The following FDPS variants were observed in gnomAD, a reference collection of about 807,000 sequenced individuals.
FDPS encodes the protein farnesyl diphosphate synthase, also known as farnesyl pyrophosphate synthase.
A neutral mutation model predicts 49.5 loss-of-function variants in FDPS; 29 were observed. The ratio of observed to expected loss-of-function variants is 0.59; its 90% confidence interval spans 0.44 to 0.80. FDPS has a LOEUF of 0.80. Among genes scored for constraint, FDPS ranks in the 30% least tolerant of loss-of-function variants. FDPS has a pLI of 0.00. For missense variants in FDPS, 414 were observed against 525.6 expected, an observed-to-expected ratio of 0.79 and a Z score of 2.08; for synonymous variants, 172 against 206.4, an observed-to-expected ratio of 0.83 and a Z score of 1.43.
chr1:155,318,994 C>T lies in FDPS; in HGVS notation c.846+66C>T, dbSNP rs1649859398. The stretch of plus-strand genomic sequence containing the variant: ...GGCTTTTGGACAGCAAGGCATAGAG[C>T]AGAAAACGTGAACACTGCTACCCCT... On this transcript the variant is annotated intron_variant, in intron 8 of 10. Coordinates refer to ENST00000368356, the MANE Select transcript of FDPS (RefSeq NM_002004.4). This position sits in a 1 kb window ranked among gnomAD's most constrained non-coding sequence, Gnocchi z 4.2. 3.3e-6 allele frequency: 4 copies of T among 1,219,408 alleles called. No homozygotes were observed. Among genetic ancestry groups the T allele is most frequent in the Middle Eastern group, 5.3e-4 (2 of 3,772 alleles). The allele number at this position is 1,219,408 out of a possible 1,614,324, so 75.5% of individuals were successfully genotyped here. A position where few individuals can be genotyped will look rare whatever the true frequency, so the allele number is the denominator to read the frequency against.
chr1:155,309,176 A>G (rs969115444), intron 1 of FDPS: 1 of 151,904 alleles, frequency 6.6e-6, no homozygotes, highest in Non-Finnish European at 1.5e-5. Context: ...ACCCCGGTTT[A>G]CTCCTTTGCT....
intron 3 of FDPS, among the ~76,000 whole-genome samples, chr1:155,311,639 C>T (rs1648808307): frequency 6.6e-6 from 1 of 152,136 alleles, no homozygotes; most frequent in Admixed American, 6.5e-5. Context: ...CCAGTCATCC[C>T]TATAGCATGT....
chr1:155,312,295 G>T lies in FDPS; in HGVS notation c.380G>T (p.Gly127Val). ...YNAIGGKYNRGLTVVVAFREL... is the reference protein window; with the variant it reads ...YNAIGGKYNRVLTVVVAFREL... Reference sequence around the variant, plus strand: ...GCCATTGGAGGCAAGTATAACCGGGGTTTGACGGTGGTAGTAGCATTCCGG... The same window carrying T: ...GCCATTGGAGGCAAGTATAACCGGGTTTTGACGGTGGTAGTAGCATTCCGG... Residue 127 changes from glycine (G) to valine (V), a missense_variant, in exon 4 of 11, where the codon GGT becomes GTT. Gly to Val is a moderately radical substitution (Grantham distance 109). Coordinates refer to ENST00000368356, the MANE Select transcript of FDPS (RefSeq NM_002004.4). The T allele has an allele frequency of 6.2e-7, 1 of 1,614,166 alleles. No individual in the cohort carries two copies. Among genetic ancestry groups the T allele is most frequent in the Non-Finnish European group, 8.5e-7 (1 of 1,180,014 alleles).
chr1:155,318,040 T>G lies in FDPS; in HGVS notation c.561+19T>G. 1 of 1,613,526 alleles carries G rather than the reference T, an allele frequency of 6.2e-7. No individual in the cohort carries two copies. The highest frequency in any genetic ancestry group is 8.5e-7 in the Non-Finnish European group (1 of 1,179,564). ...TCAGAAGGTAATGTGGGCAGGAAAA[T>G]AGCAGTGGGTATGGGGACAGGCCAC... On this transcript the variant is annotated intron_variant, in intron 5 of 10. Coordinates refer to ENST00000368356, the MANE Select transcript of FDPS (RefSeq NM_002004.4). The surrounding 1 kb of genome is among the most constrained non-coding windows in gnomAD (Gnocchi z 4.2).
chr1:155,314,182 T>A (rs1419715577), intron 4 of FDPS, among the ~76,000 whole-genome samples: 2 of 141,086 alleles, frequency 1.4e-5, no homozygotes, highest in East Asian at 6.0e-4. Context: ...TTTTTAAAAA[T>A]TTTTAATTTT....
intron 3 of FDPS, chr1:155,310,446 G>A: frequency 2.0e-6 from 1 of 490,998 alleles, no homozygotes; most frequent in Non-Finnish European, 3.6e-6. Context: ...GAGTAGCTGG[G>A]ATTACAGGTG....
chr1:155,320,655 CG>C lies in FDPS; in HGVS notation c.*47del, dbSNP rs758033234. 71 of 1,602,288 alleles carry C rather than the reference CG, an allele frequency of 4.4e-5. No homozygotes were observed. The highest frequency in any genetic ancestry group is 5.8e-5 in the Non-Finnish European group (68 of 1,169,792). The stretch of plus-strand genomic sequence containing the variant: ...GGAGAGGAGGCTCTCAATAAATAAT[CG>C]TGTAACCTTCTTGTGGTTCTGTTCT... On this transcript the variant is annotated 3_prime_UTR_variant, in exon 11 of 11. Transcript: ENST00000368356.
Position 155,318,845 on chromosome 1 carries a change from C to A in FDPS, c.774-11C>A, listed in dbSNP as rs1649825618. ...GCCCTCCTGAGGAGTTTCTCTTCTCCCCTTACTCAGGTACAAATCTATTGT... is the reference window on the plus strand; with the variant it reads ...GCCCTCCTGAGGAGTTTCTCTTCTCACCTTACTCAGGTACAAATCTATTGT... On this transcript the variant is annotated splice_polypyrimidine_tract_variant and intron_variant, in intron 7 of 10. Transcript: ENST00000368356. This position sits in a 1 kb window ranked among gnomAD's most constrained non-coding sequence, Gnocchi z 4.2. 1.2e-6 allele frequency: 2 copies of A among 1,610,316 alleles called. No individual in the cohort carries two copies. Among genetic ancestry groups the A allele is most frequent in the Non-Finnish European group, 1.7e-6 (2 of 1,176,610 alleles).
chr1:155,316,002 C>T (rs1039509571), intron 4 of FDPS, among the ~76,000 whole-genome samples: 2 of 152,080 alleles, frequency 1.3e-5, no homozygotes, highest in African/African-American at 4.8e-5. Context: ...CACTTAAAAT[C>T]CCAGCACTTT....
At chr1:155,320,267 G>A (rs1036174483) in intron 10 of FDPS, 142 bp from the exon 11 acceptor site, 9 of 741,622 alleles carry the variant, frequency 1.2e-5, no homozygotes, top group African/African-American at 5.3e-5. Flanking sequence ...TTTTAGCTAC[G>A]TAGAGACACT....
At chr1:155,320,168 A>G (rs754425677) in intron 10 of FDPS, 3 of 646,558 alleles carry the variant, frequency 4.6e-6, no homozygotes, top group Non-Finnish European at 8.0e-6. Flanking sequence ...ATCTGGTCCC[A>G]AATTTCAATA....
chr1:155,310,288 G>A (rs569851768), intron 3 of FDPS, 83 bp downstream of exon 3: 4 of 1,302,876 alleles, frequency 3.1e-6, no homozygotes, highest in African/African-American at 3.0e-5. Flanking sequence ...GCTTATGGGG[G>A]ACTTTTGACA....
At chr1:155,313,801 A>T (rs989916440) in intron 4 of FDPS, among the ~76,000 whole-genome samples, 3 of 152,050 alleles carry the variant, frequency 2.0e-5, no homozygotes, top group Non-Finnish European at 2.9e-5. Flanking sequence ...TTGAGGGGCC[A>T]GTGGTTAACT....
intron 1 of FDPS, 136 bp from the exon 2 acceptor site, chr1:155,309,653 C>T (rs1572074217): frequency 2.7e-6 from 2 of 733,406 alleles, no homozygotes; most frequent in South Asian, 2.5e-5. Flanking sequence ...TGTCCCCAAG[C>T]ACATTCCACA....
intron 4 of FDPS, 138 bp downstream of exon 4, chr1:155,312,533 G>T (rs933183034): frequency 1.5e-5 from 13 of 882,164 alleles, no homozygotes; most frequent in Non-Finnish European, 2.3e-5. Flanking sequence ...GCCAAATTTA[G>T]AGTGAATCAC....
At chr1:155,310,346 T>G in intron 3 of FDPS, 141 bp downstream of exon 3, 1 of 711,034 alleles carries the variant, frequency 1.4e-6, no homozygotes, top group South Asian at 1.9e-5. Flanking sequence ...AGCCTTGCTC[T>G]GTCACCTGGG....
intron 3 of FDPS, 149 bp from the exon 4 acceptor site, chr1:155,312,106 A>G (rs188612042): frequency 1.7e-4 from 147 of 850,428 alleles, no homozygotes; most frequent in Admixed American, 2.5e-4. Context: ...GAGTAAAGAC[A>G]GTAGCAATTC....
At chr1:155,309,438 A>T in intron 1 of FDPS, 2 of 187,868 alleles carry the variant, frequency 1.1e-5, no homozygotes, top group Non-Finnish European at 2.2e-5. Context: ...CTAGAGCCTC[A>T]GTTTGGCTTG....
Position 155,320,410 on chromosome 1 carries a change from A to G in FDPS, c.1061A>G (p.Glu354Gly). The G allele has an allele frequency of 5.6e-6, 9 of 1,612,758 alleles. No homozygotes were observed. The highest frequency in any genetic ancestry group is 7.6e-6 in the Non-Finnish European group (9 of 1,179,682). ...ATPEQYQILK[E>G]NYGQKEAEKV... is the part of the protein sequence containing the mutation. ...TTCCTGTCTTTCAACCTCTTCCAGG[A>G]AAATTACGGGCAGAAGGAGGCTGAG... is the stretch of plus-strand genomic sequence containing the variant. Residue 354 changes from glutamate (E) to glycine (G), a missense_variant and splice_region_variant, in exon 11 of 11, where the codon GAA becomes GGA. Glu to Gly is a moderately conservative substitution (Grantham distance 98). Transcript: ENST00000368356.
Sources: allele counts gnomAD v4.1 joint callset (sites outside exome capture counted in the v4.1 genomes callset), GRCh38; gene constraint gnomAD v4.1.1; non-coding constraint Gnocchi (gnomAD v3.1); transcripts MANE v1.5; gene names NCBI Gene and HGNC (gene_info 2026-07-23, HGNC 2026-07-21).